The following ZBTB7C variants were observed in gnomAD, a reference collection of about 807,000 sequenced individuals.
ZBTB7C encodes zinc finger and BTB domain containing 7C, also known as zinc finger and BTB domain-containing protein 7C.
Under a neutral mutation model 25.7 loss-of-function variants are expected in ZBTB7C, and 8 were observed. That is an observed-to-expected ratio of 0.31 (90% CI 0.18 to 0.56). The LOEUF (loss-of-function observed/expected upper bound fraction) is 0.56. Among genes scored for constraint, ZBTB7C ranks in the 20% least tolerant of loss-of-function variants. The pLI is 0.91. For missense variants in ZBTB7C, 824 were observed against 855.2 expected (o/e 0.96, Z 0.46); for synonymous variants, 394 against 369.0 (o/e 1.07, Z -0.78).
At chr18:48,401,273 C>T (rs1189714019) in intron 1 of ZBTB7C, among the ~76,000 whole-genome samples, 2 of 152,166 alleles carry the variant, frequency 1.3e-5, no homozygotes, top group Non-Finnish European at 2.9e-5. Context: ...TCATCTCTCC[C>T]TTCATGTTAG....
intron 1 of ZBTB7C, among the ~76,000 whole-genome samples, chr18:48,387,913 G>A (rs575128265): frequency 6.6e-6 from 1 of 152,010 alleles, no homozygotes; most frequent in Admixed American, 6.6e-5. Flanking sequence ...TGCAACCTCC[G>A]CTTCCTGGGT....
intron 2 of ZBTB7C, among the ~76,000 whole-genome samples, chr18:48,234,411 C>T (rs2043326923): frequency 6.6e-6 from 1 of 152,122 alleles, no homozygotes; most frequent in Non-Finnish European, 1.5e-5. Context: ...TTCTGTCTAA[C>T]CCCAACCCCG....
Position 48,040,631 on chromosome 18 carries a change from TTCC to T in ZBTB7C, c.474_476del (p.Glu162del), listed in dbSNP as rs761290843. ...TGTCATCATCGTCATCCTCCTCCTC[TTCC>T]TCCTCCTCCTCTTCGTCCTCCTCAT... On this transcript the variant is annotated inframe_deletion, in exon 4 of 5. Transcript: ENST00000590800. 6.8e-6 allele frequency: 11 copies of T among 1,610,504 alleles called. No individual in the cohort carries two copies. Among genetic ancestry groups the T allele is most frequent in the African/African-American group, 5.3e-5 (4 of 74,774 alleles).
At chr18:48,215,965 T>C (rs2042813460) in intron 2 of ZBTB7C, among the ~76,000 whole-genome samples, 5 of 152,250 alleles carry the variant, frequency 3.3e-5, no homozygotes. Context: ...ACAAAAGAGT[T>C]TGTCTTGTCA....
At chr18:48,072,313 A>C (rs1482093391) in intron 3 of ZBTB7C, 1 of 152,136 alleles carries the variant, frequency 6.6e-6, no homozygotes, top group Non-Finnish European at 1.5e-5. Flanking sequence ...CATGCTACAA[A>C]AGGGAGTCAA....
chr18:48,278,813 T>C (rs1370825051), intron 2 of ZBTB7C, among the ~76,000 whole-genome samples: 2 of 152,194 alleles, frequency 1.3e-5, no homozygotes, highest in Non-Finnish European at 2.9e-5. Flanking sequence ...CACGTGGCAA[T>C]AAACAACCGA....
intron 2 of ZBTB7C, among the ~76,000 whole-genome samples, chr18:48,216,516 T>C (rs920658733): frequency 3.3e-5 from 5 of 152,122 alleles, no homozygotes; most frequent in Admixed American, 2.6e-4. Flanking sequence ...TTCTGGGTGC[T>C]CACTCCCTGG....
At chr18:48,318,574 G>A (rs940131920) in intron 2 of ZBTB7C, among the ~76,000 whole-genome samples, 4 of 152,214 alleles carry the variant, frequency 2.6e-5, no homozygotes, top group Admixed American at 6.5e-5. Context: ...GTCCAGCCCA[G>A]CTCACAGGAG....
At chr18:48,378,082 C>T (rs575154199) in intron 1 of ZBTB7C, among the ~76,000 whole-genome samples, 4 of 152,018 alleles carry the variant, frequency 2.6e-5, no homozygotes, top group South Asian at 4.2e-4. Flanking sequence ...ACCCGGGAGG[C>T]GGAGGTTGCA....
At chr18:48,376,145 G>C (rs1256819896) in intron 1 of ZBTB7C, among the ~76,000 whole-genome samples, 1 of 152,226 alleles carries the variant, frequency 6.6e-6, no homozygotes, top group African/African-American at 2.4e-5. Flanking sequence ...TCTAAGAACT[G>C]TTTCCAGTTC....
At chr18:48,336,678 A>T (rs1431041115) in intron 2 of ZBTB7C, among the ~76,000 whole-genome samples, 1 of 152,162 alleles carries the variant, frequency 6.6e-6, no homozygotes, top group Non-Finnish European at 1.5e-5. Flanking sequence ...GGTCTTCATC[A>T]GGAGGCATGT....
At chr18:48,326,567 C>A in intron 2 of ZBTB7C, among the ~76,000 whole-genome samples, 1 of 151,354 alleles carries the variant, frequency 6.6e-6, no homozygotes, top group South Asian at 2.1e-4. Flanking sequence ...AAATTCTGTT[C>A]ATGCATATAG....
chr18:48,143,866 T>G (rs903116423), intron 3 of ZBTB7C, among the ~76,000 whole-genome samples: 2 of 152,208 alleles, frequency 1.3e-5, no homozygotes, highest in African/African-American at 4.8e-5. Context: ...ACCTTGGCTA[T>G]AAATCCGTAC....
intron 2 of ZBTB7C, among the ~76,000 whole-genome samples, chr18:48,249,671 A>T (rs933487863): frequency 6.6e-6 from 1 of 152,240 alleles, no homozygotes; most frequent in African/African-American, 2.4e-5. Context: ...AAGCTCTTGT[A>T]ATTTCTAACA....
chr18:48,127,741 C>T (rs772178557), intron 3 of ZBTB7C, among the ~76,000 whole-genome samples: 1 of 152,206 alleles, frequency 6.6e-6, no homozygotes, highest in African/African-American at 2.4e-5. Flanking sequence ...GCAGAGAGTT[C>T]ACCACTGTGT....
At chr18:48,196,966 A>C (rs4940322) in intron 2 of ZBTB7C, among the ~76,000 whole-genome samples, 1 of 152,150 alleles carries the variant, frequency 6.6e-6, no homozygotes, top group African/African-American at 2.4e-5. Flanking sequence ...GGCCCCCACA[A>C]CCAATGTGTT....
chr18:48,208,694 T>C (rs1332366490), intron 2 of ZBTB7C, among the ~76,000 whole-genome samples: 1 of 152,246 alleles, frequency 6.6e-6, no homozygotes, highest in Non-Finnish European at 1.5e-5. Flanking sequence ...TTGGCCTGGC[T>C]CGGAAGCCCC....
intron 1 of ZBTB7C, among the ~76,000 whole-genome samples, chr18:48,376,438 T>C (rs1165966407): frequency 1.3e-5 from 2 of 152,198 alleles, no homozygotes; most frequent in African/African-American, 4.8e-5. Flanking sequence ...GTTGGTTAAT[T>C]ACTGTTTTGG....
At chr18:48,313,641 C>G (rs2045875337) in intron 2 of ZBTB7C, among the ~76,000 whole-genome samples, 1 of 152,130 alleles carries the variant, frequency 6.6e-6, no homozygotes, top group Admixed American at 6.5e-5. Flanking sequence ...TCAGTCAGAA[C>G]CTGCGTGTTT....
Sources: gnomAD v4.1 joint callset for allele counts (sites outside exome capture counted in the v4.1 genomes callset) on GRCh38, gnomAD v4.1.1 for gene constraint, MANE v1.5 for transcripts, NCBI Gene and HGNC (gene_info 2026-07-23, HGNC 2026-07-21) for gene names.